PARP1: variants seen among roughly 807,000 people sequenced by gnomAD.
The protein encoded by PARP1 is poly [ADP-ribose] polymerase 1.
In PARP1, 44 loss-of-function variants were observed where a neutral mutation model predicts 118.7. The ratio of observed to expected loss-of-function variants is 0.37; its 90% CI spans 0.29 to 0.48. PARP1 has a LOEUF of 0.48. Among genes scored for constraint, PARP1 ranks in the 20% least tolerant of loss-of-function variants. The pLI is 0.99. For missense variants in PARP1, 1,100 were observed against 1,272.4 expected (o/e 0.86, Z 2.06); for synonymous variants, 492 against 483.2 (o/e 1.02, Z -0.24).
At position 226,377,096 on chromosome 1, in the gene PARP1, T is replaced by C. The variant is rs1664507381; in HGVS notation, c.1941+12A>G. On this transcript the variant is annotated intron_variant, in intron 13 of 22. Transcript: ENST00000366794. ...CCTAGAAGCAGACAGTGTAAGGGCA[T>C]TATGTGGTTACCTGGCCATAGTCAA... The C allele has an allele frequency of 6.2e-7, 1 of 1,610,328 alleles. No individual in the cohort carries two copies. Among genetic ancestry groups the C allele is most frequent in the South Asian group, 1.1e-5 (1 of 90,968 alleles).
chr1:226,375,048 C>A (rs1191922992), intron 13 of PARP1, among the ~76,000 whole-genome samples: 1 of 152,230 alleles, frequency 6.6e-6, no homozygotes, highest in Admixed American at 6.5e-5. Context: ...AGACGGTGCT[C>A]TGTCCAGCAC....
At position 226,363,170 on chromosome 1, in the gene PARP1, A is replaced by C. The variant is rs1025498785; in HGVS notation, c.2787-10T>G. 3 of 1,608,726 alleles carry C rather than the reference A, an allele frequency of 1.9e-6. No homozygotes were observed. Among genetic ancestry groups the C allele is most frequent in the South Asian group, 1.1e-5 (1 of 90,928 alleles). ...GTGCTTCAGTTCATACCTATTCAAA[A>C]GAGGACAGTCTCAGAAGAGGCCTTC... On this transcript the variant is annotated splice_polypyrimidine_tract_variant and intron_variant, in intron 20 of 22. Transcript: ENST00000366794.
chr1:226,398,729 T>C (rs12723807), intron 2 of PARP1, among the ~76,000 whole-genome samples: 82 of 152,332 alleles, frequency 5.4e-4, no homozygotes, highest in African/African-American at 1.9e-3. Context: ...CTGGCAAAGA[T>C]GTATAATGAT....
intron 16 of PARP1, 55 bp downstream of exon 16, chr1:226,368,144 G>A (rs903279451): frequency 6.2e-7 from 1 of 1,609,812 alleles, no homozygotes; most frequent in Non-Finnish European, 8.5e-7. Context: ...ACGGCTGCAA[G>A]GTAGTCACAC....
intron 13 of PARP1, among the ~76,000 whole-genome samples, chr1:226,374,659 A>T (rs1213110834): frequency 6.6e-6 from 1 of 152,170 alleles, no homozygotes; most frequent in East Asian, 1.9e-4. Flanking sequence ...CCTGCCTGGG[A>T]ACCTGTCTAG....
chr1:226,380,018 C>G lies in PARP1; in HGVS notation c.1447G>C (p.Ala483Pro). ...FLAHILSPWGAEVKAEPVEVV... is the reference protein window; with the variant it reads ...FLAHILSPWGPEVKAEPVEVV... Reference sequence around the variant, plus strand: ...TCAACAGGCTCTGCCTTCACCTCTGCCCCCCAAGGGGACAAGATGTGCGCT... The same window carrying G: ...TCAACAGGCTCTGCCTTCACCTCTGGCCCCCAAGGGGACAAGATGTGCGCT... The change falls in exon 10 of 23, where the codon GCA becomes CCA. Residue 483 changes from alanine to proline, a missense_variant. Transcript: ENST00000366794. The G allele has an allele frequency of 6.2e-7, 1 of 1,614,158 alleles. No homozygotes were observed. Among genetic ancestry groups the G allele is most frequent in the Admixed American group, 1.7e-5 (1 of 60,032 alleles).
chr1:226,407,714 C>G, intron 1 of PARP1, 96 bp downstream of exon 1: 1 of 1,320,804 alleles, frequency 7.6e-7, no homozygotes, highest in African/African-American at 1.6e-5. Flanking sequence ...GGCCCGGGCC[C>G]GCTCGCTCCC....
intron 2 of PARP1, among the ~76,000 whole-genome samples, chr1:226,399,775 G>A (rs1664992341): frequency 6.6e-6 from 1 of 152,218 alleles, no homozygotes; most frequent in South Asian, 2.1e-4. Flanking sequence ...GGACCACTCT[G>A]GTGGCGATGT....
chr1:226,388,683 C>T lies in PARP1; in HGVS notation c.690G>A (p.Lys230=), dbSNP rs752647218. Reference sequence around the variant, plus strand: ...TTAGGGCTTTTTCAAGCTTACTATCCTTGTCTTTTTCTTTTTTAGATTTCT... The same window carrying T: ...TTAGGGCTTTTTCAAGCTTACTATCTTTGTCTTTTTCTTTTTTAGATTTCT... ...AKKKSKKEKD[K]DSKLEKALKA... is the part of the protein sequence containing the mutation. The change falls in exon 5 of 23, where the codon AAG becomes AAA. Residue 230 remains lysine, a synonymous_variant. Coordinates refer to ENST00000366794, the MANE Select transcript of PARP1 (RefSeq NM_001618.4). 1.2e-6 allele frequency: 2 copies of T among 1,613,656 alleles called. No homozygotes were observed. Among genetic ancestry groups the T allele is most frequent in the Non-Finnish European group, 1.7e-6 (2 of 1,179,562 alleles).
chr1:226,373,076 G>A (rs914890059), intron 14 of PARP1, among the ~76,000 whole-genome samples: 1 of 152,214 alleles, frequency 6.6e-6, no homozygotes, highest in Non-Finnish European at 1.5e-5. Context: ...GCCAGGCTGA[G>A]CTCTTGGCAG....
At position 226,386,327 on chromosome 1, in the gene PARP1, G is replaced by A. The variant is rs201777393; in HGVS notation, c.833C>T (p.Ala278Val). The stretch of plus-strand genomic sequence containing the variant: ...CCACTTAACACAAAGGCAGCTCACC[G>A]CCGACTCCCCAGAAGGCACTTGCTG... ...NKQQVPSGES[A>V]ILDRVADGMV... Residue 278 changes from alanine (A) to valine (V), a missense_variant and splice_region_variant, in exon 6 of 23, where the codon GCG becomes GTG. This residue lies in a region of PARP1 where 948 missense variants were observed against 1,031.8 expected (regional missense o/e 0.92). Transcript: ENST00000366794. The A allele has an allele frequency of 4.8e-5, 77 of 1,592,628 alleles. 1 individual carries two copies. In the Admixed American group the frequency reaches 1.0e-3, roughly 21 times the overall value.
chr1:226,407,898 A>C lies in PARP1; in HGVS notation c.32T>G (p.Val11Gly). The C allele has an allele frequency of 1.2e-6, 2 of 1,612,008 alleles. No homozygotes were observed. The highest frequency in any genetic ancestry group is 1.7e-6 in the Non-Finnish European group (2 of 1,179,008). Residue 11 changes from valine (V) to glycine (G), a missense_variant, in exon 1 of 23, where the codon GTC becomes GGC. By Grantham distance (109) the Val-to-Gly change is moderately radical (BLOSUM62 -3). Transcript: ENST00000366794. MAESSDKLYR[V>G]EYAKSGRASC... ...GGCGCGCCCGCTCTTGGCGTACTCG[A>C]CTCGATAGAGCTTATCCGAAGACTC...
In PARP1 at chr1:226,402,204, A is replaced by G. The variant is rs776463362; in HGVS notation, c.286+10T>C. ...GGCTGAATGCCCATGCTGCCCCAGT[A>G]TGTACACACCTGTCACTCCTCCAGC... On this transcript the variant is annotated intron_variant, in intron 2 of 22. Transcript: ENST00000366794. The G allele has an allele frequency of 3.7e-6, 6 of 1,614,166 alleles. No individual in the cohort carries two copies. Among genetic ancestry groups the G allele is most frequent in the Non-Finnish European group, 5.1e-6 (6 of 1,180,032 alleles).
chr1:226,371,592 G>A (rs575152338), intron 14 of PARP1, among the ~76,000 whole-genome samples: 16 of 152,280 alleles, frequency 1.1e-4, no homozygotes, highest in Admixed American at 4.6e-4. Context: ...TTAAGTAGCC[G>A]GAGCCACATC....
chr1:226,365,208 G>C, intron 18 of PARP1, 54 bp from the exon 19 acceptor site: 3 of 1,591,774 alleles, frequency 1.9e-6, no homozygotes, highest in Non-Finnish European at 2.6e-6. Context: ...TGTTACTCTG[G>C]TTGACTGAAA....
intron 2 of PARP1, chr1:226,392,757 T>C (rs769398985): frequency 1.7e-5 from 10 of 584,478 alleles, no homozygotes; most frequent in Admixed American, 1.4e-4. Context: ...CACAAGTATA[T>C]GTAAGAATTA....
At chr1:226,398,511 C>T (rs1192863893) in intron 2 of PARP1, among the ~76,000 whole-genome samples, 5 of 136,624 alleles carry the variant, frequency 3.7e-5, no homozygotes, top group South Asian at 4.6e-4. Flanking sequence ...GCCTGGGCGA[C>T]GGAGCAAGAC....
At chr1:226,392,969 G>A (rs1664847950) in intron 2 of PARP1, 1 of 1,562,318 alleles carries the variant, frequency 6.4e-7, no homozygotes, top group African/African-American at 1.4e-5. Flanking sequence ...ATTCCACATG[G>A]TATTGGAGGT....
chr1:226,386,512 C>T (rs1257274479), intron 5 of PARP1, 70 bp from the exon 6 acceptor site: 5 of 985,062 alleles, frequency 5.1e-6, no homozygotes, highest in Non-Finnish European at 8.2e-6. Context: ...AGGAGGAGCC[C>T]TGGTCATGCT....
Sources: gnomAD v4.1 joint callset for allele counts (sites outside exome capture counted in the v4.1 genomes callset) on GRCh38, gnomAD v4.1.1 for gene constraint, gnomAD v4.1.1 regional missense constraint, MANE v1.5 for transcripts, NCBI Gene and HGNC (gene_info 2026-07-23, HGNC 2026-07-21) for gene names.